The following HTR4 variants were observed in gnomAD, a reference collection of about 807,000 sequenced individuals.
HTR4 encodes 5-hydroxytryptamine (serotonin) receptor 4, G protein-coupled.
A neutral mutation model predicts 36.8 loss-of-function variants in HTR4; 16 were observed. The observed-to-expected ratio is 0.43, with a 90% CI of 0.29 to 0.66. The LOEUF is 0.66. Among genes scored for constraint, HTR4 ranks in the 30% least tolerant of loss-of-function variants. The pLI is 0.13. For missense variants in HTR4, 438 were observed against 490.9 expected, an observed-to-expected ratio of 0.89 and a Z score of 1.02; for synonymous variants, 189 against 185.1, an observed-to-expected ratio of 1.02 and a Z score of -0.17.
rs186914449 is a variant in HTR4 at position 148,547,978 on chromosome 5, A to G, written c.353+690T>C. ...GCATTCTACCTTTATGATGAAATGT[A>G]AATTAGCAGGAATTGGAAAATGAAT... On this transcript the variant is annotated intron_variant, in intron 4 of 6. Coordinates refer to ENST00000377888, the MANE Select transcript of HTR4 (RefSeq NM_000870.7). Among the ~76,000 whole-genome samples, 25 of 152,324 alleles carry G rather than the reference A, an allele frequency of 1.6e-4. No individual in the cohort carries two copies. In the East Asian group the frequency reaches 4.8e-3, roughly 29 times the overall value.
intron 4 of HTR4, among the ~76,000 whole-genome samples, chr5:148,532,993 G>A (rs58620302): frequency 0.013 from 2,015 of 152,300 alleles, 51 homozygotes; most frequent in African/African-American, 0.045. Flanking sequence ...GCTAGGAGGA[G>A]TTACCAAAAG....
downstream of HTR4, among the ~76,000 whole-genome samples, chr5:148,475,989 C>T (rs985809561): frequency 2.0e-5 from 3 of 152,170 alleles, no homozygotes; most frequent in African/African-American, 7.2e-5. Flanking sequence ...AATGTCAAAG[C>T]CCAAGTTCCT....
downstream of HTR4, among the ~76,000 whole-genome samples, chr5:148,476,459 T>G (rs1052617923): frequency 1.3e-5 from 2 of 152,224 alleles, no homozygotes; most frequent in South Asian, 4.1e-4. Context: ...GATAAACATC[T>G]TGATTTTATT....
downstream of HTR4, among the ~76,000 whole-genome samples, chr5:148,479,155 G>C (rs896332932): frequency 6.6e-6 from 1 of 152,122 alleles, no homozygotes. Flanking sequence ...TGCTCATTAG[G>C]TGACCATGTC....
chr5:148,509,018 T>C (rs1757359526), intron 6 of HTR4, among the ~76,000 whole-genome samples: 1 of 151,914 alleles, frequency 6.6e-6, no homozygotes, highest in Admixed American at 6.6e-5. Context: ...TTAAAATCCA[T>C]GCTTTTAACC....
intron 5 of HTR4, among the ~76,000 whole-genome samples, chr5:148,510,361 C>A (rs1471742687): frequency 6.6e-6 from 1 of 152,178 alleles, no homozygotes; most frequent in Non-Finnish European, 1.5e-5. Flanking sequence ...GGCTCCAGGA[C>A]AGAAGAGAAA....
At chr5:148,484,270 G>A in intron 6 of HTR4, 1 of 1,613,188 alleles carries the variant, frequency 6.2e-7, no homozygotes, top group Non-Finnish European at 8.5e-7. Context: ...CCCAAGACAG[G>A]CTTCCTTGCA....
At chr5:148,584,042 C>A (rs1453686033) in intron 2 of HTR4, among the ~76,000 whole-genome samples, 1 of 152,148 alleles carries the variant, frequency 6.6e-6, no homozygotes, top group African/African-American at 2.4e-5. Context: ...TAAAGCTTTT[C>A]ACCCCATCTT....
At chr5:148,483,855 G>C (rs374397615) in intron 6 of HTR4, among the ~76,000 whole-genome samples, 1 of 152,028 alleles carries the variant, frequency 6.6e-6, no homozygotes, top group African/African-American at 2.4e-5. Context: ...TATTGAGCTT[G>C]CTGCCAACTT....
intron 4 of HTR4, among the ~76,000 whole-genome samples, chr5:148,525,851 G>C (rs6861293): frequency 0.17 from 25,488 of 152,054 alleles, 3,613 homozygotes; most frequent in African/African-American, 0.38. Context: ...TTTTAAAAGA[G>C]GCAATCAAAT....
At chr5:148,643,871 A>G (rs1032045448) in intron 1 of HTR4, among the ~76,000 whole-genome samples, 1 of 152,222 alleles carries the variant, frequency 6.6e-6, no homozygotes, top group African/African-American at 2.4e-5. Context: ...GAGGCCAGAA[A>G]GCCATCAGAT....
intron 4 of HTR4, among the ~76,000 whole-genome samples, chr5:148,527,531 T>C (rs1432218221): frequency 1.3e-5 from 2 of 152,210 alleles, no homozygotes; most frequent in African/African-American, 4.8e-5. Context: ...TGCTGCTATA[T>C]AGAATTAAAT....
intron 6 of HTR4, among the ~76,000 whole-genome samples, chr5:148,496,918 A>C (rs544904970): frequency 6.6e-6 from 1 of 152,310 alleles, no homozygotes; most frequent in East Asian, 1.9e-4. Flanking sequence ...TGCTCAATAC[A>C]TAGTTCCCGT....
At chr5:148,546,642 T>C (rs1759397884) in intron 4 of HTR4, among the ~76,000 whole-genome samples, 1 of 152,208 alleles carries the variant, frequency 6.6e-6, no homozygotes, top group African/African-American at 2.4e-5. Flanking sequence ...CTCCCATTTT[T>C]TTTCCTGGCT....
chr5:148,561,400 A>G (rs1760200375), intron 2 of HTR4, among the ~76,000 whole-genome samples: 1 of 152,222 alleles, frequency 6.6e-6, no homozygotes, highest in Non-Finnish European at 1.5e-5. Flanking sequence ...AGAGATACCC[A>G]CTGCTGCACA....
chr5:148,620,538 A>G (rs1340655542), intron 2 of HTR4, among the ~76,000 whole-genome samples: 1 of 152,234 alleles, frequency 6.6e-6, no homozygotes, highest in African/African-American at 2.4e-5. Flanking sequence ...TGCACAATGG[A>G]TTTTGAAAAC....
intron 2 of HTR4, among the ~76,000 whole-genome samples, chr5:148,560,077 C>T (rs929350428): frequency 1.3e-5 from 2 of 151,868 alleles, no homozygotes; most frequent in African/African-American, 2.4e-5. Context: ...AAGTGGAAAT[C>T]CTTTCTGAGG....
At chr5:148,539,222 A>G (rs1335788472) in intron 4 of HTR4, among the ~76,000 whole-genome samples, 1 of 152,224 alleles carries the variant, frequency 6.6e-6, no homozygotes, top group Admixed American at 6.6e-5. Flanking sequence ...ACAAAAGCCA[A>G]CTGAAGATGG....
intron 1 of HTR4, among the ~76,000 whole-genome samples, chr5:148,647,107 T>C (rs971248933): frequency 5.3e-5 from 8 of 152,200 alleles, no homozygotes; most frequent in African/African-American, 1.9e-4. Context: ...TTATCGCTGT[T>C]CAGTGTGGTT....
Sources: allele counts gnomAD v4.1 joint callset (sites outside exome capture counted in the v4.1 genomes callset), GRCh38; gene constraint gnomAD v4.1.1; transcripts MANE v1.5; gene names NCBI Gene and HGNC (gene_info 2026-07-23, HGNC 2026-07-21).